The following COG1 variants were observed in gnomAD, a reference collection of about 807,000 sequenced individuals.
COG1 encodes the protein conserved oligomeric Golgi complex subunit 1.
COG1 carries 61 observed loss-of-function variants against 102.2 expected under a neutral mutation model. The observed-to-expected ratio is 0.60, with a 90% confidence interval of 0.49 to 0.74. The LOEUF (loss-of-function observed/expected upper bound fraction) is 0.74, where lower values mean the gene tolerates loss of function less well. COG1 is among the 30% of genes least tolerant of loss of function. The pLI is 0.00. For synonymous variants in COG1, 454 were observed against 493.6 expected, an observed-to-expected ratio of 0.92 and a Z score of 1.06; for missense variants, 1,164 against 1,232.1, an observed-to-expected ratio of 0.94 and a Z score of 0.83.
chr17:73,200,666 ACC>A lies in COG1; in HGVS notation c.1172_1173del (p.Thr391LysfsTer2). 6.2e-7 allele frequency: 1 copy of A among 1,614,124 alleles called. No homozygotes were observed. The highest frequency in any genetic ancestry group is 8.5e-7 in the Non-Finnish European group (1 of 1,180,014). Reference protein sequence around the residue: ...GIRDAMWELLTNESTNHSWDV... With the variant: ...GIRDAMWELLXNESTNHSWDV... ...CCGGGACGCCATGTGGGAGTTACTT[ACC>A]AATGAGTCCACCAATCACAGCTGGG... On this transcript the variant is annotated frameshift_variant, in exon 6 of 14. Transcript: ENST00000299886. LOFTEE classifies it high-confidence loss of function.
chr17:73,196,431 T>C, intron 1 of COG1, 76 bp from the exon 2 acceptor site: 1 of 1,610,154 alleles, frequency 6.2e-7, no homozygotes, highest in Non-Finnish European at 8.5e-7. Flanking sequence ...TACCCCCAGA[T>C]TTCTTCCTAA....
intron 6 of COG1, 61 bp downstream of exon 6, chr17:73,200,837 G>A (rs2061343942): frequency 6.9e-7 from 1 of 1,458,048 alleles, no homozygotes; most frequent in East Asian, 2.3e-5. Flanking sequence ...TATTTTGACT[G>A]TCTTGGGAGA....
At chr17:73,202,393 A>AT (rs1389279846) in intron 7 of COG1, among the ~76,000 whole-genome samples, 3 of 152,112 alleles carry the variant, frequency 2.0e-5, no homozygotes, top group Non-Finnish European at 2.9e-5. Context: ...GAAAAGCTGC[A>AT]TTTTTTCCTT....
chr17:73,207,111 A>AC, intron 12 of COG1, 70 bp from the exon 13 acceptor site: 1 of 1,060,134 alleles, frequency 9.4e-7, no homozygotes, highest in Admixed American at 2.3e-5. Flanking sequence ...AAAAAAAAAA[A>AC]AAATGAGGCT....
At chr17:73,207,092 C>A (rs1363367926) in intron 12 of COG1, 89 bp from the exon 13 acceptor site, 32 of 834,906 alleles carry the variant, frequency 3.8e-5, no homozygotes, top group Admixed American at 1.9e-4. Context: ...GACTCTGTCT[C>A]AAAAAAAAAA....
intron 11 of COG1, 80 bp downstream of exon 11, chr17:73,206,342 A>C (rs1262626321): frequency 4.6e-6 from 5 of 1,082,672 alleles, no homozygotes; most frequent in Middle Eastern, 2.0e-4. Flanking sequence ...TCAAGCACGT[A>C]ATACTCCAGG....
chr17:73,193,511 C>G (rs984423766), intron 1 of COG1, 127 bp downstream of exon 1: 15 of 887,762 alleles, frequency 1.7e-5, no homozygotes, highest in Non-Finnish European at 2.4e-5. Context: ...AGCCAGGAGC[C>G]TATCCGCCCC....
intron 9 of COG1, among the ~76,000 whole-genome samples, chr17:73,204,204 G>C (rs1486094684): frequency 6.6e-6 from 1 of 152,164 alleles, no homozygotes. Flanking sequence ...CAATGAAAAG[G>C]ATCAGAGCTT....
chr17:73,198,599 G>C (rs182326703), intron 4 of COG1, among the ~76,000 whole-genome samples: 1 of 152,192 alleles, frequency 6.6e-6, no homozygotes, highest in African/African-American at 2.4e-5. Context: ...AAAAACGAAA[G>C]AGAGAAAACG....
At chr17:73,195,941 A>G (rs187099237) in intron 1 of COG1, among the ~76,000 whole-genome samples, 50 of 152,360 alleles carry the variant, frequency 3.3e-4, no homozygotes, top group Non-Finnish European at 5.9e-4. Context: ...CCTTAAGGGC[A>G]TGATGAGATT....
At chr17:73,206,293 A>C in intron 11 of COG1, 31 bp downstream of exon 11, 1 of 1,519,614 alleles carries the variant, frequency 6.6e-7, no homozygotes, top group Non-Finnish European at 9.1e-7. Context: ...GCTTAGTGCG[A>C]ACGAAGCGAT....
Position 73,200,670 on chromosome 17 carries a change from A to C in COG1, c.1175A>C (p.Asn392Thr), listed in dbSNP as rs1026128. 3 of 1,613,824 alleles carry C rather than the reference A, an allele frequency of 1.9e-6. No individual in the cohort carries two copies. The highest frequency in any genetic ancestry group is 3.3e-5 in the Admixed American group (2 of 59,990). ...IRDAMWELLT[N>T]ESTNHSWDVL... ...GACGCCATGTGGGAGTTACTTACCA[A>C]TGAGTCCACCAATCACAGCTGGGAT... is the stretch of plus-strand genomic sequence containing the variant. Residue 392 changes from asparagine (N) to threonine (T), a missense_variant, in exon 6 of 14, where the codon AAT becomes ACT. Coordinates refer to ENST00000299886, the MANE Select transcript of COG1 (RefSeq NM_018714.3).
At position 73,200,698 on chromosome 17, in the gene COG1, G is replaced by T. The variant is rs777915136; in HGVS notation, c.1203G>T (p.Val401=). ...AGTCCACCAATCACAGCTGGGATGT[G>T]CTATGTCGGCGGCTTCTGGAGAAGC... ...TNESTNHSWD[V]LCRRLLEKPL... is the part of the protein sequence containing the mutation. The change falls in exon 6 of 14, where the codon GTG becomes GTT. Residue 401 remains valine (V), a synonymous_variant. Transcript: ENST00000299886. The T allele has an allele frequency of 2.5e-6, 4 of 1,614,208 alleles. No homozygotes were observed. Among genetic ancestry groups the T allele is most frequent in the Non-Finnish European group, 3.4e-6 (4 of 1,180,026 alleles).
chr17:73,203,713 A>T lies in COG1; in HGVS notation c.2302A>T (p.Thr768Ser). 6.2e-7 allele frequency: 1 copy of T among 1,614,258 alleles called. No homozygotes were observed. The highest frequency in any genetic ancestry group is 8.5e-7 in the Non-Finnish European group (1 of 1,180,038). Reference sequence around the variant, plus strand: ...TGGAGGCCATGCCTTGCCAAAGGTGACATTACAGGAGATGCTGAAAAGCTG... The same window carrying T: ...TGGAGGCCATGCCTTGCCAAAGGTGTCATTACAGGAGATGCTGAAAAGCTG... ...RVGGHALPKV[T>S]LQEMLKSCMV... The change falls in exon 9 of 14, where the codon ACA becomes TCA. Residue 768 changes from threonine to serine, a missense_variant. Physicochemically the swap from Thr to Ser is moderately conservative, Grantham distance 58. Transcript: ENST00000299886.
chr17:73,205,699 A>G lies in COG1; in HGVS notation c.2510+19A>G. The G allele has an allele frequency of 6.2e-7, 1 of 1,613,010 alleles. No homozygotes were observed. Among genetic ancestry groups the G allele is most frequent in the Non-Finnish European group, 8.5e-7 (1 of 1,179,966 alleles). On this transcript the variant is annotated intron_variant, in intron 10 of 13. Transcript: ENST00000299886. The stretch of plus-strand genomic sequence containing the variant: ...ACTCCAGGTGTCGTATCCTCTAGGG[A>G]GCTATGTCAAGGCGGTCTCTTCCAA...
rs200556195 is a variant in COG1 at position 73,201,858 on chromosome 17, G to C, written c.2031G>C (p.Gln677His). The C allele has an allele frequency of 6.2e-7, 1 of 1,614,236 alleles. No individual in the cohort carries two copies. Among genetic ancestry groups the C allele is most frequent in the Non-Finnish European group, 8.5e-7 (1 of 1,180,048 alleles). ...AGGTTAAAGAAGTACTCCTCCAGCA[G>C]AGCGTGATGGGCTACCAGGTCTGGA... ...WQEVKEVLLQ[Q>H]SVMGYQVWSS... Residue 677 changes from glutamine to histidine, a missense_variant, in exon 7 of 14, where the codon CAG becomes CAC. Coordinates refer to ENST00000299886, the MANE Select transcript of COG1 (RefSeq NM_018714.3).
In COG1 at chr17:73,203,644, G is replaced by A. The variant is rs2061356029; in HGVS notation, c.2233G>A (p.Val745Ile). ...IRLPAQPSWY[V>I]QSFLFSLCQE... ...TTTGTTCTTTTAGCCGTCCTGGTAT[G>A]TACAGTCCTTCCTGTTTAGTTTATG... The change falls in exon 9 of 14, where the codon GTA becomes ATA. Residue 745 changes from valine (V) to isoleucine (I), a missense_variant. Coordinates refer to ENST00000299886, the MANE Select transcript of COG1 (RefSeq NM_018714.3). The A allele has an allele frequency of 1.2e-6, 2 of 1,614,222 alleles. No homozygotes were observed. The highest frequency in any genetic ancestry group is 3.3e-5 in the Admixed American group (2 of 60,018).
intron 11 of COG1, 75 bp from the exon 12 acceptor site, chr17:73,206,633 C>G: frequency 1.1e-6 from 1 of 950,842 alleles, no homozygotes; most frequent in Non-Finnish European, 1.7e-6. Flanking sequence ...CGATGGGTGA[C>G]TAACCTTTTT....
At position 73,197,389 on chromosome 17, in the gene COG1, T is replaced by C; in HGVS notation, c.906T>C (p.His302=). The C allele has an allele frequency of 1.2e-6, 2 of 1,614,128 alleles. No individual in the cohort carries two copies. Among genetic ancestry groups the C allele is most frequent in the Non-Finnish European group, 1.7e-6 (2 of 1,180,030 alleles). Residue 302 remains histidine, a synonymous_variant, in exon 4 of 14, where the codon CAT becomes CAC. Coordinates refer to ENST00000299886, the MANE Select transcript of COG1 (RefSeq NM_018714.3). ...FSTLETITGQ[H]PAGKGTGVLQ... ...CTCTGGAGACCATCACAGGCCAGCA[T>C]CCTGCCGGTGAGCTCTTAGCCAAGC...
Sources: gnomAD v4.1 joint callset for allele counts (sites outside exome capture counted in the v4.1 genomes callset) on GRCh38, gnomAD v4.1.1 for gene constraint, MANE v1.5 for transcripts, NCBI Gene and HGNC (gene_info 2026-07-23, HGNC 2026-07-21) for gene names.